SLC8A3: variants seen among roughly 807,000 people sequenced by gnomAD.
SLC8A3 encodes the protein solute carrier family 8 member A3, also known as sodium/calcium exchanger 3.
A neutral mutation model predicts 65.4 loss-of-function variants in SLC8A3; 37 were observed. That is an observed-to-expected ratio of 0.57 (90% confidence interval 0.44 to 0.74). SLC8A3 has a LOEUF of 0.74. SLC8A3 is among the 30% of genes least tolerant of loss of function. SLC8A3 has a pLI of 0.00. For missense variants in SLC8A3, 1,112 were observed against 1,172.1 expected (o/e 0.95, Z 0.75); for synonymous variants, 461 against 444.5 (o/e 1.04, Z -0.47).
At chr14:70,187,634 TGTGTG>T (rs1162085422) in intron 1 of SLC8A3, among the ~76,000 whole-genome samples, 2,313 of 148,310 alleles carry the variant, frequency 0.016, 72 homozygotes, top group African/African-American at 0.052. Context: ...TGTGTGTGTG[TGTGTG>T]TCCGCGCGCG....
At chr14:70,057,810 T>C (rs10138444) in intron 3 of SLC8A3, among the ~76,000 whole-genome samples, 10,381 of 152,204 alleles carry the variant, frequency 0.068, 407 homozygotes, top group Non-Finnish European at 0.09. Context: ...CTGTGAGTAA[T>C]TAGGAAGCAT....
intron 2 of SLC8A3, among the ~76,000 whole-genome samples, chr14:70,150,552 C>T (rs377091001): frequency 2.6e-5 from 4 of 152,050 alleles, no homozygotes; most frequent in African/African-American, 7.2e-5. Flanking sequence ...GAGGCAAACC[C>T]GGACATGAAC....
At chr14:70,063,854 G>A in intron 2 of SLC8A3, 2 of 1,609,646 alleles carry the variant, frequency 1.2e-6, no homozygotes, top group Admixed American at 1.7e-5. Context: ...CCATGCGGGG[G>A]CCCATCATCT....
At chr14:70,143,643 GGAGAAGCCAGGCT>G (rs1895715855) in intron 2 of SLC8A3, among the ~76,000 whole-genome samples, 1 of 152,096 alleles carries the variant, frequency 6.6e-6, no homozygotes, top group Non-Finnish European at 1.5e-5. Flanking sequence ...GTAATTCTCG[GGAGAAGCCAGGCT>G]GAGAAGCCCT....
intron 2 of SLC8A3, among the ~76,000 whole-genome samples, chr14:70,109,242 A>C (rs1426599739): frequency 2.1e-5 from 3 of 146,222 alleles, no homozygotes; most frequent in Non-Finnish European, 4.5e-5. Context: ...TGTGCTGAAC[A>C]TGCAGGTTTG....
intron 2 of SLC8A3, among the ~76,000 whole-genome samples, chr14:70,065,527 C>T (rs1889326709): frequency 6.6e-6 from 1 of 152,134 alleles, no homozygotes; most frequent in Non-Finnish European, 1.5e-5. Flanking sequence ...ATTCAAATCC[C>T]GCCTCCACCC....
At chr14:70,137,759 C>T (rs1369123555) in intron 2 of SLC8A3, among the ~76,000 whole-genome samples, 2 of 148,378 alleles carry the variant, frequency 1.3e-5, no homozygotes, top group South Asian at 4.3e-4. Context: ...AACTCAACAG[C>T]CTCTCTGATT....
rs754987477 is a variant in SLC8A3, at chr14:70,049,014, C to T, written c.2142G>A (p.Gly714=). 2.3e-5 allele frequency: 37 copies of T among 1,613,096 alleles called. No individual in the cohort carries two copies. The South Asian group carries it at 4.0e-4, about 17-fold the overall frequency. The change falls in exon 6 of 7, where the codon GGG becomes GGA. Residue 714 remains glycine, a synonymous_variant. Coordinates refer to ENST00000356921, the MANE Select transcript of SLC8A3 (RefSeq NM_182932.3). ...AAGDEDEDES[G]EERLPSCFDY... ...CAAAGCAGGAGGGCAGCCTCTCCTC[C>T]CCGGATTCATCCTCATCCTCATCCC...
chr14:70,162,893 AT>A (rs1293305369), intron 2 of SLC8A3, among the ~76,000 whole-genome samples: 1 of 152,196 alleles, frequency 6.6e-6, no homozygotes, highest in African/African-American at 2.4e-5. Flanking sequence ...TAAGTCCTTA[AT>A]GAAGGTTAAT....
chr14:70,131,171 G>A (rs941956913), intron 2 of SLC8A3, among the ~76,000 whole-genome samples: 2 of 152,204 alleles, frequency 1.3e-5, no homozygotes, highest in African/African-American at 4.8e-5. Context: ...GAAGGCCAAG[G>A]ATCAACACAG....
intron 2 of SLC8A3, among the ~76,000 whole-genome samples, chr14:70,152,370 T>C (rs1189248951): frequency 6.6e-6 from 1 of 152,154 alleles, no homozygotes; most frequent in Non-Finnish European, 1.5e-5. Flanking sequence ...TGGAGCATCT[T>C]AACAGAGAAA....
At chr14:70,061,937 A>G (rs1888844870) in intron 2 of SLC8A3, among the ~76,000 whole-genome samples, 1 of 152,016 alleles carries the variant, frequency 6.6e-6, no homozygotes, top group Admixed American at 6.6e-5. Flanking sequence ...CTTTCCTTGA[A>G]ATTCACTGCC....
In SLC8A3 at chr14:70,185,035, C is replaced by T. The variant is rs560806260; in HGVS notation, c.-63+3344G>A. ...AAGCTGGAGTGCAGTGGCTCATTCT[C>T]GGCTCACTGCAACCTCTGCCTCCCA... On this transcript the variant is annotated intron_variant, in intron 1 of 6. Coordinates refer to ENST00000356921, the MANE Select transcript of SLC8A3 (RefSeq NM_182932.3). Among the ~76,000 whole-genome samples, 13 of 146,516 alleles carry T rather than the reference C, an allele frequency of 8.9e-5. 1 individual carries two copies. In the South Asian group the frequency reaches 2.4e-3, roughly 27 times the overall value.
intron 3 of SLC8A3, among the ~76,000 whole-genome samples, chr14:70,054,585 G>C (rs768235989): frequency 6.6e-6 from 1 of 152,116 alleles, no homozygotes; most frequent in Non-Finnish European, 1.5e-5. Context: ...GATGAGTGAA[G>C]TAGAGAAGAA....
rs187843586 is a variant in SLC8A3, at chr14:70,150,319, G to A, written c.1784+16320C>T. ...GGTTAGATAACTTCCTCTAGTTCAG[G>A]TCACCAACAAGTAGCTGGGACTCCA... is the stretch of plus-strand genomic sequence containing the variant. On this transcript the variant is annotated intron_variant, in intron 2 of 6. Transcript: ENST00000356921. Among the ~76,000 whole-genome samples, 8 of 152,198 alleles carry A rather than the reference G, an allele frequency of 5.3e-5. No homozygotes were observed. The East Asian group carries it at 1.3e-3, about 26-fold the overall frequency.
intron 2 of SLC8A3, among the ~76,000 whole-genome samples, chr14:70,099,688 C>T (rs1892434672): frequency 6.6e-6 from 1 of 152,190 alleles, no homozygotes; most frequent in African/African-American, 2.4e-5. Context: ...GGATACACTG[C>T]CTGCAAATAT....
chr14:70,087,411 C>T (rs1390162574), intron 2 of SLC8A3, among the ~76,000 whole-genome samples: 1 of 152,116 alleles, frequency 6.6e-6, no homozygotes, highest in South Asian at 2.1e-4. Context: ...TATTGATGGC[C>T]CAGAAGTCAT....
At chr14:70,078,827 C>T (rs1890774297) in intron 2 of SLC8A3, among the ~76,000 whole-genome samples, 1 of 152,188 alleles carries the variant, frequency 6.6e-6, no homozygotes, top group African/African-American at 2.4e-5. Context: ...TATGAAGATA[C>T]ACCATTGGGA....
chr14:70,099,315 C>T (rs376645519), intron 2 of SLC8A3, among the ~76,000 whole-genome samples: 6 of 152,174 alleles, frequency 3.9e-5, no homozygotes, highest in Admixed American at 2.0e-4. Flanking sequence ...AAGAAGAATA[C>T]GTTACAGAGA....
Sources: gnomAD v4.1 joint callset for allele counts (sites outside exome capture counted in the v4.1 genomes callset) on GRCh38, gnomAD v4.1.1 for gene constraint, MANE v1.5 for transcripts, NCBI Gene and HGNC (gene_info 2026-07-23, HGNC 2026-07-21) for gene names.